Variants in ZNF468 observed in about 807,000 individuals in gnomAD.
ZNF468 encodes zinc finger protein 468.
A neutral mutation model predicts 7.2 loss-of-function variants in ZNF468; 8 were observed. The ratio of observed to expected loss-of-function variants is 1.11; its 90% CI spans 0.65 to 2.01. The LOEUF is 2.01. ZNF468 is among the 30% of genes most tolerant of loss of function. The pLI is 0.00. For synonymous variants in ZNF468, 218 were observed against 214.4 expected (o/e 1.02, Z -0.15); for missense variants, 608 against 626.5 (o/e 0.97, Z 0.31).
rs137996611 is a variant in ZNF468, at chr19:52,847,602, C to T, written c.142+1485G>A. 1.1e-3 allele frequency among the ~76,000 whole-genome samples: 162 copies of T among 152,234 alleles called. 1 individual carries two copies. The East Asian group carries it at 0.022, about 21-fold the overall frequency. On this transcript the variant is annotated intron_variant, in intron 3 of 3. Transcript: ENST00000595646. ...GTAAAGCCGACCATTCCCATTCATT[C>T]TCTTCTGAGATAGGAGGAAAGCACC...
In ZNF468 at chr19:52,854,315, C is replaced by G; in HGVS notation, c.-43G>C. On this transcript the variant is annotated 5_prime_UTR_variant, in exon 2 of 4. Transcript: ENST00000595646. ...TCCTCTTCCTCTTCTGGGTTTCTTT[C>G]TCACGTACCAACAGTCTTTAGAAGT... 6.2e-7 allele frequency: 1 copy of G among 1,613,362 alleles called. No homozygotes were observed. Among genetic ancestry groups the G allele is most frequent in the African/African-American group, 1.3e-5 (1 of 75,010 alleles).
At chr19:52,845,543 C>T (rs2063335958) in intron 3 of ZNF468, among the ~76,000 whole-genome samples, 1 of 151,984 alleles carries the variant, frequency 6.6e-6, no homozygotes, top group Non-Finnish European at 1.5e-5. Context: ...CCTGTAGTCG[C>T]AGCTACTGGA....
At chr19:52,852,907 T>C (rs149867090) in intron 2 of ZNF468, among the ~76,000 whole-genome samples, 1 of 151,464 alleles carries the variant, frequency 6.6e-6, no homozygotes, top group African/African-American at 2.4e-5. Context: ...CAGGCTGGAG[T>C]GCAGTGGTGC....
At chr19:52,855,539 T>C (rs2063429881) in intron 1 of ZNF468, among the ~76,000 whole-genome samples, 1 of 152,230 alleles carries the variant, frequency 6.6e-6, no homozygotes, top group African/African-American at 2.4e-5. Flanking sequence ...GCTTTTGTCC[T>C]GGGGAACACG....
At position 52,845,760 on chromosome 19, in the gene ZNF468, T is replaced by C. The variant is rs1195188541; in HGVS notation, c.142+3327A>G. ...TCGTTCATTCCTGTAATCCCAGCACTTTGGGAGGATGAGTCAGGCAGATAA... is the reference window on the plus strand; with the variant it reads ...TCGTTCATTCCTGTAATCCCAGCACCTTGGGAGGATGAGTCAGGCAGATAA... On this transcript the variant is annotated intron_variant, in intron 3 of 3. Coordinates refer to ENST00000595646, the MANE Select transcript of ZNF468 (RefSeq NM_001008801.2). Among the ~76,000 whole-genome samples, 7 of 152,112 alleles carry C rather than the reference T, an allele frequency of 4.6e-5. No homozygotes were observed. In the East Asian group the frequency reaches 1.3e-3, roughly 29 times the overall value.
chr19:52,854,132 G>A lies in ZNF468; in HGVS notation c.15+126C>T, dbSNP rs1370205986. The A allele has an allele frequency of 2.5e-6, 4 of 1,589,448 alleles. No homozygotes were observed. In the Admixed American group the frequency reaches 6.9e-5, roughly 27 times the overall value. ...CCTAAGCGAGATGAGAGGGACTGAA[G>A]GAAGGCATAAGTGAGGGTGAGCAAA... is the stretch of plus-strand genomic sequence containing the variant. On this transcript the variant is annotated intron_variant, in intron 2 of 3. Coordinates refer to ENST00000595646, the MANE Select transcript of ZNF468 (RefSeq NM_001008801.2).
intron 3 of ZNF468, 107 bp from the exon 4 acceptor site, chr19:52,842,258 A>C: frequency 9.6e-7 from 1 of 1,036,404 alleles, no homozygotes; most frequent in Non-Finnish European, 1.3e-6. Flanking sequence ...TCAACTTCCC[A>C]AACGTGAGCT....
In ZNF468 at chr19:52,840,436, C is replaced by T. The variant is rs1179029109; in HGVS notation, c.*289G>A. The T allele has an allele frequency of 5.3e-6, 3 of 571,084 alleles. No individual in the cohort carries two copies. Among genetic ancestry groups the T allele is most frequent in the African/African-American group, 3.8e-5 (2 of 52,444 alleles). The allele number at this position is 571,084 out of a possible 1,614,324, so 35.4% of individuals were successfully genotyped here. On this transcript the variant is annotated 3_prime_UTR_variant, in exon 4 of 4. Transcript: ENST00000595646. ...ATTCTAGTATGTTTTGCCAGATATG[C>T]ATTATATGCAAAAACCTTGTCACAA...
At position 52,842,131 on chromosome 19, in the gene ZNF468, A is replaced by T. The variant is rs773070649; in HGVS notation, c.163T>A (p.Leu55Met). The T allele has an allele frequency of 5.6e-6, 9 of 1,594,428 alleles. No individual in the cohort carries two copies. The South Asian group carries it at 6.8e-5, about 12-fold the overall frequency. ...TGCCCTGTTGACGACAACGTCTTCAACATGCATTTGGAAGAGATATCTACA... is the reference window on the plus strand; with the variant it reads ...TGCCCTGTTGACGACAACGTCTTCATCATGCATTTGGAAGAGATATCTACA... ...VSLDISSKCM[L>M]KTLSSTGQGN... Residue 55 changes from leucine to methionine, a missense_variant, in exon 4 of 4, where the codon TTG becomes ATG. Physicochemically the swap from Leu to Met is conservative, Grantham distance 15 (BLOSUM62 2). Coordinates refer to ENST00000595646, the MANE Select transcript of ZNF468 (RefSeq NM_001008801.2).
At chr19:52,857,089 C>T in intron 1 of ZNF468, among the ~76,000 whole-genome samples, 1 of 151,552 alleles carries the variant, frequency 6.6e-6, no homozygotes, top group Non-Finnish European at 1.5e-5. Flanking sequence ...ATCTGGGGAG[C>T]AGCAGGGCCC....
chr19:52,843,120 CAAAAAAA>C (rs11356842), intron 3 of ZNF468, among the ~76,000 whole-genome samples: 4 of 68,688 alleles, frequency 5.8e-5, no homozygotes, highest in East Asian at 5.1e-4. Context: ...GACTCTGTCT[CAAAAAAA>C]AAAAAAAAAA....
intron 3 of ZNF468, among the ~76,000 whole-genome samples, 173 bp from the exon 4 acceptor site, chr19:52,842,324 C>T (rs941526874): frequency 6.6e-6 from 1 of 152,134 alleles, no homozygotes; most frequent in African/African-American, 2.4e-5. Context: ...AGGGCGATTA[C>T]ATGTGCTTCA....
At chr19:52,846,187 T>C (rs528001671) in intron 3 of ZNF468, among the ~76,000 whole-genome samples, 11 of 152,228 alleles carry the variant, frequency 7.2e-5, no homozygotes, top group Admixed American at 2.0e-4. Flanking sequence ...AAAAAAATTC[T>C]AGTGGAGAAG....
intron 2 of ZNF468, among the ~76,000 whole-genome samples, chr19:52,853,275 T>C (rs1450111254): frequency 6.6e-6 from 1 of 152,090 alleles, no homozygotes; most frequent in Non-Finnish European, 1.5e-5. Context: ...GGGTGGAGGA[T>C]GTGACAGGGA....
chr19:52,849,378 TATTACAC>T, intron 2 of ZNF468, 165 bp from the exon 3 acceptor site: 1 of 1,368,926 alleles, frequency 7.3e-7, no homozygotes, highest in Non-Finnish European at 9.8e-7. Context: ...AGATGTATTT[TATTACAC>T]TTTTTGAGTA....
chr19:52,846,039 G>GAAACTGGCATATGTATACCTTTTCTTC (rs1568678305), intron 3 of ZNF468, among the ~76,000 whole-genome samples: 6 of 151,956 alleles, frequency 3.9e-5, no homozygotes, highest in African/African-American at 1.5e-4. Context: ...TAAAAGGACA[G>GAAACTGGCATATGTATACCTTTTCTTC]ATACAGAAAC....
At chr19:52,842,786 A>AG (rs1273361751) in intron 3 of ZNF468, among the ~76,000 whole-genome samples, 3 of 123,740 alleles carry the variant, frequency 2.4e-5, no homozygotes, top group Admixed American at 1.0e-4. Flanking sequence ...ACTCCACTCC[A>AG]GCCTTGGTGC....
intron 2 of ZNF468, among the ~76,000 whole-genome samples, chr19:52,850,568 T>G (rs2063378799): frequency 6.6e-6 from 1 of 151,188 alleles, no homozygotes; most frequent in Non-Finnish European, 1.5e-5. Flanking sequence ...GCAGTCTACT[T>G]GAGGGTGGAG....
chr19:52,856,554 C>T (rs1280702348), intron 1 of ZNF468, among the ~76,000 whole-genome samples: 3 of 142,058 alleles, frequency 2.1e-5, no homozygotes, highest in African/African-American at 7.6e-5. Flanking sequence ...CACCCCAGAT[C>T]CCCAGGTGTC....
Sources: gnomAD v4.1 joint callset for allele counts (sites outside exome capture counted in the v4.1 genomes callset) on GRCh38, gnomAD v4.1.1 for gene constraint, MANE v1.5 for transcripts, NCBI Gene and HGNC (gene_info 2026-07-23, HGNC 2026-07-21) for gene names.